The following L3MBTL4 variants were observed in gnomAD, a reference collection of about 807,000 sequenced individuals.
The protein encoded by L3MBTL4 is lethal(3)malignant brain tumor-like protein 4.
Under a neutral mutation model 84.5 loss-of-function variants are expected in L3MBTL4, and 70 were observed. The ratio of observed to expected loss-of-function variants is 0.83; its 90% confidence interval spans 0.68 to 1.01. The LOEUF (loss-of-function observed/expected upper bound fraction) is 1.01, where lower values mean the gene tolerates loss of function less well. L3MBTL4 is among the 50% of genes least tolerant of loss of function. L3MBTL4 has a pLI of 0.00. For synonymous variants in L3MBTL4, 274 were observed against 259.8 expected, an observed-to-expected ratio of 1.05 and a Z score of -0.52; for missense variants, 715 against 754.8, an observed-to-expected ratio of 0.95 and a Z score of 0.62.
intron 5 of L3MBTL4, among the ~76,000 whole-genome samples, chr18:6,246,471 A>T (rs1229841143): frequency 6.6e-6 from 1 of 152,258 alleles, no homozygotes; most frequent in African/African-American, 2.4e-5. Flanking sequence ...AATTGCAAAT[A>T]ATCATATACT....
chr18:6,247,192 A>C (rs1461310626), intron 5 of L3MBTL4, among the ~76,000 whole-genome samples: 2 of 152,172 alleles, frequency 1.3e-5, no homozygotes, highest in African/African-American at 4.8e-5. Context: ...TTCTCTTGCA[A>C]AACCATAACT....
intron 12 of L3MBTL4, among the ~76,000 whole-genome samples, chr18:6,185,428 C>T (rs955713229): frequency 2.6e-5 from 4 of 152,146 alleles, no homozygotes; most frequent in African/African-American, 7.2e-5. Flanking sequence ...CTCATGAAGA[C>T]AGGAGGAGAG....
chr18:6,271,855 T>A (rs2048886410), intron 4 of L3MBTL4, among the ~76,000 whole-genome samples: 1 of 151,980 alleles, frequency 6.6e-6, no homozygotes, highest in African/African-American at 2.4e-5. Flanking sequence ...CTCGCCCAAG[T>A]AAGATGCAGA....
chr18:6,224,460 C>CG (rs1555694893), intron 10 of L3MBTL4, among the ~76,000 whole-genome samples: 1 of 152,144 alleles, frequency 6.6e-6, no homozygotes, highest in Non-Finnish European at 1.5e-5. Flanking sequence ...CCCAACACAA[C>CG]GGGGGAACCA....
chr18:6,123,455 T>A (rs2059589939), intron 14 of L3MBTL4, among the ~76,000 whole-genome samples: 1 of 152,124 alleles, frequency 6.6e-6, no homozygotes, highest in Non-Finnish European at 1.5e-5. Flanking sequence ...TAGTGAATAA[T>A]TCTCATGAGA....
upstream of L3MBTL4, chr18:6,415,241 G>A (rs189704115): frequency 4.3e-4 from 65 of 152,634 alleles, no homozygotes; most frequent in African/African-American, 1.5e-3. Context: ...ACCGTCTGAA[G>A]GCTCTCTCCT....
intron 14 of L3MBTL4, among the ~76,000 whole-genome samples, chr18:6,116,981 C>T (rs551131628): frequency 2.0e-5 from 3 of 152,336 alleles, no homozygotes; most frequent in African/African-American, 7.2e-5. Flanking sequence ...GGTTCCAGAA[C>T]TTCCTATCCT....
intron 4 of L3MBTL4, among the ~76,000 whole-genome samples, chr18:6,265,847 A>G (rs2048608182): frequency 6.6e-6 from 1 of 152,236 alleles, no homozygotes; most frequent in African/African-American, 2.4e-5. Flanking sequence ...ATGTTGCCCA[A>G]AGGATACAAC....
rs201655934 is a variant in L3MBTL4 at position 6,071,712 on chromosome 18, A to G, written c.1444+9169T>C. ...AAGAAAGAAAGAAAGAAAGAAAGAAAGAAGGAAAGAAAGAAGGAAAGAAAG... is the reference window on the plus strand; with the variant it reads ...AAGAAAGAAAGAAAGAAAGAAAGAAGGAAGGAAAGAAAGAAGGAAAGAAAG... On this transcript the variant is annotated intron_variant, in intron 16 of 18. Transcript: ENST00000317931. 4.4e-4 allele frequency among the ~76,000 whole-genome samples: 23 copies of G among 52,796 alleles called. No homozygotes were observed. In the East Asian group the frequency reaches 7.2e-3, roughly 16 times the overall value. 34.6% of individuals were successfully genotyped at this position (52,796 alleles called of 152,430 possible).
chr18:6,149,956 C>T (rs1264646014), intron 13 of L3MBTL4, among the ~76,000 whole-genome samples: 1 of 152,138 alleles, frequency 6.6e-6, no homozygotes, highest in Non-Finnish European at 1.5e-5. Context: ...GTGTATACTC[C>T]TAAGTCCTAG....
chr18:6,096,606 G>A (rs890048498), intron 14 of L3MBTL4, among the ~76,000 whole-genome samples: 4 of 152,236 alleles, frequency 2.6e-5, no homozygotes, highest in Middle Eastern at 3.4e-3. Flanking sequence ...ATGCACGTAC[G>A]CATGCATGTG....
At chr18:6,187,963 C>T (rs1444446126) in intron 12 of L3MBTL4, among the ~76,000 whole-genome samples, 2 of 150,582 alleles carry the variant, frequency 1.3e-5, no homozygotes, top group African/African-American at 4.9e-5. Context: ...ATCTAATTAT[C>T]TAGGGCTAGT....
intron 14 of L3MBTL4, among the ~76,000 whole-genome samples, chr18:6,121,101 T>G (rs563353206): frequency 3.3e-5 from 5 of 152,308 alleles, no homozygotes; most frequent in Admixed American, 2.6e-4. Flanking sequence ...AAGAATTATC[T>G]GTTGTCCATT....
intron 1 of L3MBTL4, chr18:6,396,664 A>G (rs2055285354): frequency 2.6e-5 from 4 of 152,346 alleles, no homozygotes; most frequent in Middle Eastern, 3.4e-3. Flanking sequence ...GTATGTGTTT[A>G]TTTATTCTTC....
intron 14 of L3MBTL4, among the ~76,000 whole-genome samples, chr18:6,101,123 C>A (rs906157157): frequency 2.2e-4 from 33 of 152,102 alleles, no homozygotes; most frequent in Non-Finnish European, 4.3e-4. Context: ...CTACACTGCC[C>A]CTTTGCTGGT....
At chr18:6,128,499 GA>G (rs2059773988) in intron 14 of L3MBTL4, among the ~76,000 whole-genome samples, 2 of 152,126 alleles carry the variant, frequency 1.3e-5, no homozygotes, top group African/African-American at 4.8e-5. Context: ...GGAGTGACAT[GA>G]TAGAGCGTGG....
chr18:6,003,063 TCTATTTATAGAGATA>T, intron 16 of L3MBTL4, among the ~76,000 whole-genome samples: 5 of 112,012 alleles, frequency 4.5e-5, no homozygotes, highest in Non-Finnish European at 7.2e-5. Context: ...ATATAGTATC[TCTATTTATAGAGATA>T]CTATATAAAA....
intron 14 of L3MBTL4, among the ~76,000 whole-genome samples, chr18:6,107,690 G>A (rs1342488471): frequency 6.6e-6 from 1 of 151,968 alleles, no homozygotes; most frequent in Admixed American, 6.5e-5. Context: ...TTAAGTGACA[G>A]GACTGCCATA....
intron 1 of L3MBTL4, among the ~76,000 whole-genome samples, chr18:6,411,718 C>T (rs866516822): frequency 6.6e-6 from 1 of 152,150 alleles, no homozygotes; most frequent in Non-Finnish European, 1.5e-5. Flanking sequence ...GTCACCCTAA[C>T]ACATGCTTTT....
Sources: allele counts gnomAD v4.1 joint callset (sites outside exome capture counted in the v4.1 genomes callset), GRCh38; gene constraint gnomAD v4.1.1; transcripts MANE v1.5; gene names NCBI Gene and HGNC (gene_info 2026-07-23, HGNC 2026-07-21).